Variants in CDC42BPA observed in about 807,000 individuals in gnomAD.
The protein encoded by CDC42BPA is serine/threonine-protein kinase MRCK alpha.
CDC42BPA carries 80 observed loss-of-function variants against 223.5 expected under a neutral mutation model. The ratio of observed to expected loss-of-function variants is 0.36; its 90% CI spans 0.30 to 0.43. The LOEUF (loss-of-function observed/expected upper bound fraction) is 0.43. Ranked by LOEUF, CDC42BPA falls within the 20% of genes least tolerant of loss-of-function variation. The pLI is 1.00. For synonymous variants in CDC42BPA, 694 were observed against 718.6 expected (o/e 0.97, Z 0.55); for missense variants, 1,743 against 2,099.9 (o/e 0.83, Z 3.32).
At chr1:227,188,491 A>C (rs1009101596) in intron 5 of CDC42BPA, among the ~76,000 whole-genome samples, 1 of 152,226 alleles carries the variant, frequency 6.6e-6, no homozygotes, top group Non-Finnish European at 1.5e-5. Context: ...GATGTCCTTA[A>C]GTAGGTAAAT....
intron 1 of CDC42BPA, among the ~76,000 whole-genome samples, chr1:227,257,853 G>T (rs1244203505): frequency 6.6e-6 from 1 of 150,810 alleles, no homozygotes; most frequent in South Asian, 2.1e-4. Flanking sequence ...TTGACAAGGT[G>T]GGAGATACAT....
chr1:227,013,754 T>C (rs998220650), intron 34 of CDC42BPA, among the ~76,000 whole-genome samples: 1 of 150,192 alleles, frequency 6.7e-6, no homozygotes, highest in Non-Finnish European at 1.5e-5. Flanking sequence ...TTTAAAAGAC[T>C]ATCTATTAAA....
intron 3 of CDC42BPA, among the ~76,000 whole-genome samples, chr1:227,207,001 T>C (rs944114796): frequency 5.3e-5 from 8 of 151,880 alleles, no homozygotes; most frequent in Admixed American, 5.2e-4. Context: ...TACACATGTA[T>C]ACATGTGCCA....
intron 32 of CDC42BPA, among the ~76,000 whole-genome samples, chr1:227,017,451 A>G (rs2148508300): frequency 7.0e-6 from 1 of 143,268 alleles, no homozygotes; most frequent in Admixed American, 6.8e-5. Flanking sequence ...TACCCTGAAC[A>G]GTAATCAGGC....
chr1:227,142,612 A>C (rs973512817), intron 9 of CDC42BPA, among the ~76,000 whole-genome samples: 1 of 146,022 alleles, frequency 6.8e-6, no homozygotes, highest in African/African-American at 2.6e-5. Context: ...TAAATTGTCC[A>C]AACTATGTTA....
At chr1:227,151,602 TA>T (rs1288518509) in intron 6 of CDC42BPA, among the ~76,000 whole-genome samples, 2 of 152,196 alleles carry the variant, frequency 1.3e-5, no homozygotes, top group Admixed American at 6.5e-5. Context: ...CCAAGGATCC[TA>T]ATTTGTTCAC....
intron 1 of CDC42BPA, among the ~76,000 whole-genome samples, chr1:227,278,519 C>T (rs1325352050): frequency 2.6e-5 from 4 of 152,100 alleles, no homozygotes; most frequent in Non-Finnish European, 5.9e-5. Flanking sequence ...TCCAAAACAG[C>T]CTTTAAAATT....
chr1:227,158,078 C>T (rs180873382), intron 6 of CDC42BPA, among the ~76,000 whole-genome samples: 1 of 151,672 alleles, frequency 6.6e-6, no homozygotes, highest in African/African-American at 2.4e-5. Flanking sequence ...CTGCCTCAGC[C>T]TCCTGAGTGA....
intron 11 of CDC42BPA, among the ~76,000 whole-genome samples, chr1:227,126,900 C>T (rs1689770957): frequency 6.6e-6 from 1 of 152,072 alleles, no homozygotes; most frequent in Non-Finnish European, 1.5e-5. Flanking sequence ...TCTTTTAACA[C>T]AGTGCTGCAA....
intron 2 of CDC42BPA, among the ~76,000 whole-genome samples, chr1:227,220,299 TATATATATATATACACAC>T (rs72212649): frequency 0.24 from 31,329 of 128,464 alleles, 3,916 homozygotes; most frequent in African/African-American, 0.33. Flanking sequence ...TATATATATA[TATATATATATATACACAC>T]ACACACACAC....
At position 227,072,104 on chromosome 1, in the gene CDC42BPA, T is replaced by C. The variant is rs1572629135; in HGVS notation, c.2827+104A>G. On this transcript the variant is annotated intron_variant, in intron 20 of 36. Transcript: ENST00000366766. The stretch of plus-strand genomic sequence containing the variant: ...CATAAATGAGTGCCAGAATTGCTTA[T>C]GTCAACAATTCTCCCACCTATGCAA... 4.7e-6 allele frequency: 3 copies of C among 637,690 alleles called. No homozygotes were observed. The East Asian group carries it at 8.5e-5, about 18-fold the overall frequency. The allele number at this position is 637,690 out of a possible 1,614,324, so 39.5% of individuals were successfully genotyped here.
intron 12 of CDC42BPA, among the ~76,000 whole-genome samples, chr1:227,118,299 A>G (rs1212094214): frequency 3.9e-5 from 6 of 152,200 alleles, no homozygotes. Flanking sequence ...TATATGAAAA[A>G]GTATTCAACA....
intron 1 of CDC42BPA, among the ~76,000 whole-genome samples, chr1:227,256,989 A>ACACACACACACACACACACACACC (rs781287283): frequency 2.1e-4 from 31 of 146,598 alleles, no homozygotes; most frequent in African/African-American, 7.1e-4. Flanking sequence ...ACACACACAC[A>ACACACACACACACACACACACACC]CCAGTATGTT....
intron 1 of CDC42BPA, among the ~76,000 whole-genome samples, chr1:227,268,105 A>C (rs1165245592): frequency 2.0e-5 from 3 of 152,218 alleles, no homozygotes; most frequent in Non-Finnish European, 4.4e-5. Flanking sequence ...CTTAAAAGAA[A>C]GCCTAATGTG....
chr1:227,193,433 G>A (rs369825356), intron 5 of CDC42BPA, among the ~76,000 whole-genome samples: 1 of 151,858 alleles, frequency 6.6e-6, no homozygotes, highest in Non-Finnish European at 1.5e-5. Flanking sequence ...GTGGTTGTGA[G>A]TTATGCAATA....
chr1:227,118,935 CT>C (rs1321939721), intron 12 of CDC42BPA, among the ~76,000 whole-genome samples: 1 of 152,068 alleles, frequency 6.6e-6, no homozygotes, highest in Non-Finnish European at 1.5e-5. Context: ...ATAGCGTTCT[CT>C]TTTAGTCCTT....
intron 1 of CDC42BPA, among the ~76,000 whole-genome samples, chr1:227,301,279 G>A (rs1162511770): frequency 3.3e-5 from 5 of 151,720 alleles, no homozygotes; most frequent in South Asian, 4.2e-4. Context: ...TGAGCTCCTC[G>A]ATTACAGGAC....
At chr1:227,214,641 C>T (rs982103331) in intron 2 of CDC42BPA, among the ~76,000 whole-genome samples, 4 of 152,004 alleles carry the variant, frequency 2.6e-5, no homozygotes, top group Middle Eastern at 3.2e-3. Flanking sequence ...CAATTTAGGG[C>T]GGGGAAAACA....
At chr1:227,289,675 A>AT (rs781412442) in intron 1 of CDC42BPA, among the ~76,000 whole-genome samples, 3 of 152,190 alleles carry the variant, frequency 2.0e-5, no homozygotes, top group Non-Finnish European at 4.4e-5. Flanking sequence ...TATGCAATAA[A>AT]TATCTGTTAA....
Sources: gnomAD v4.1 joint callset for allele counts (sites outside exome capture counted in the v4.1 genomes callset) on GRCh38, gnomAD v4.1.1 for gene constraint, MANE v1.5 for transcripts, NCBI Gene and HGNC (gene_info 2026-07-23, HGNC 2026-07-21) for gene names.